KCNH7: variants seen among roughly 807,000 people sequenced by gnomAD.
The protein encoded by KCNH7 is voltage-gated inwardly rectifying potassium channel KCNH7.
A neutral mutation model predicts 120.8 loss-of-function variants in KCNH7; 49 were observed. That is an observed-to-expected ratio of 0.41 (90% CI 0.32 to 0.51). The LOEUF (loss-of-function observed/expected upper bound fraction) is 0.51. Ranked by LOEUF, KCNH7 falls within the 20% of genes least tolerant of loss-of-function variation. The probability of loss-of-function intolerance (pLI) is 0.38; values close to 1 mark genes in which losing one functional copy is unlikely to be tolerated. For missense variants in KCNH7, 1,097 were observed against 1,446.6 expected, an observed-to-expected ratio of 0.76 and a Z score of 3.92; for synonymous variants, 547 against 516.1, an observed-to-expected ratio of 1.06 and a Z score of -0.81.
intron 2 of KCNH7, among the ~76,000 whole-genome samples, chr2:162,744,650 G>C (rs1192107159): frequency 6.9e-6 from 1 of 144,846 alleles, no homozygotes; most frequent in Admixed American, 7.5e-5. Context: ...TCCGCTTACT[G>C]CAAGCTTCGC....
At chr2:162,687,037 A>G (rs1441672928) in intron 2 of KCNH7, among the ~76,000 whole-genome samples, 1 of 152,152 alleles carries the variant, frequency 6.6e-6, no homozygotes, top group Non-Finnish European at 1.5e-5. Flanking sequence ...ATAAGCAGCA[A>G]CACACCAAAA....
chr2:162,825,234 A>G (rs1685241686), intron 2 of KCNH7, among the ~76,000 whole-genome samples: 1 of 152,056 alleles, frequency 6.6e-6, no homozygotes, highest in Admixed American at 6.6e-5. Flanking sequence ...GAGGATACTC[A>G]GCTATTCAAG....
Position 162,446,210 on chromosome 2 carries a change from T to C in KCNH7, c.1362A>G (p.Val454=). ...TAAACATAATATCCACAATCAAGTC[T>C]ACCACATTCAAAGGGCTACAAGAAT... is the stretch of plus-strand genomic sequence containing the variant. ...CGYSCSPLNV[V]DLIVDIMFII... The change falls in exon 7 of 16, where the codon GTA becomes GTG. Residue 454 remains valine, a synonymous_variant. Transcript: ENST00000332142. 1.2e-6 allele frequency: 2 copies of C among 1,613,710 alleles called. No homozygotes were observed. The highest frequency in any genetic ancestry group is 1.7e-6 in the Non-Finnish European group (2 of 1,179,664).
Position 162,379,857 on chromosome 2 carries a change from T to A in KCNH7, c.3127A>T (p.Asn1043Tyr). The A allele has an allele frequency of 6.2e-7, 1 of 1,613,956 alleles. No homozygotes were observed. Among genetic ancestry groups the A allele is most frequent in the Non-Finnish European group, 8.5e-7 (1 of 1,179,874 alleles). ...QRLDLLQEQL[N>Y]RLESQMTTDI... ...TTTGCCCATCACTGCTTATACCTGTTAAGTTGCTCCTGGAGCAGATCTAAT... is the reference window on the plus strand; with the variant it reads ...TTTGCCCATCACTGCTTATACCTGTAAAGTTGCTCCTGGAGCAGATCTAAT... Residue 1043 changes from asparagine to tyrosine, a missense_variant, in exon 14 of 16, where the codon AAC becomes TAC. By Grantham distance (143) the Asn-to-Tyr change is moderately radical. This residue lies in a region of KCNH7 where 406 missense variants were observed against 410.5 expected (regional missense o/e 0.99). Coordinates refer to ENST00000332142, the MANE Select transcript of KCNH7 (RefSeq NM_033272.4).
intron 2 of KCNH7, among the ~76,000 whole-genome samples, chr2:162,590,039 A>C (rs1694156927): frequency 1.3e-5 from 2 of 152,170 alleles, no homozygotes; most frequent in African/African-American, 4.8e-5. Context: ...CAATTCAGAA[A>C]GTGTTTGTTA....
intron 2 of KCNH7, among the ~76,000 whole-genome samples, chr2:162,831,595 G>A (rs560500158): frequency 1.3e-5 from 2 of 152,206 alleles, no homozygotes; most frequent in South Asian, 2.1e-4. Flanking sequence ...TCAACTAACC[G>A]GGTACTCTCC....
intron 2 of KCNH7, among the ~76,000 whole-genome samples, chr2:162,585,574 A>G (rs1693998611): frequency 6.6e-6 from 1 of 152,054 alleles, no homozygotes; most frequent in Non-Finnish European, 1.5e-5. Context: ...ATTTAAATTA[A>G]TCTTCTGATA....
chr2:162,491,247 T>A (rs1426676276), intron 6 of KCNH7, among the ~76,000 whole-genome samples: 2 of 152,190 alleles, frequency 1.3e-5, no homozygotes, highest in Non-Finnish European at 2.9e-5. Flanking sequence ...AGCTAGAGGT[T>A]TTTCCCCCAG....
chr2:162,588,130 C>T (rs1694080727), intron 2 of KCNH7, among the ~76,000 whole-genome samples: 1 of 152,086 alleles, frequency 6.6e-6, no homozygotes. Context: ...AGCACTGCCA[C>T]AACCTACCAT....
intron 2 of KCNH7, among the ~76,000 whole-genome samples, chr2:162,811,309 T>C (rs901344283): frequency 6.6e-6 from 1 of 152,170 alleles, no homozygotes; most frequent in Non-Finnish European, 1.5e-5. Context: ...AAGGATTGTA[T>C]TTGAAAATAT....
chr2:162,528,442 G>C (rs1367747831), intron 3 of KCNH7: 1 of 152,014 alleles, frequency 6.6e-6, no homozygotes, highest in Non-Finnish European at 1.5e-5. Context: ...AGTTAAGAAT[G>C]CTCCACAGAT....
chr2:162,780,493 A>G (rs1683435985), intron 2 of KCNH7, among the ~76,000 whole-genome samples: 1 of 152,194 alleles, frequency 6.6e-6, no homozygotes. Flanking sequence ...ATATCTAGAA[A>G]CAGAATCCTT....
At chr2:162,513,401 CCTTCTT>C (rs1691171085) in intron 4 of KCNH7, among the ~76,000 whole-genome samples, 1 of 145,010 alleles carries the variant, frequency 6.9e-6, no homozygotes, top group African/African-American at 2.5e-5. Context: ...TTCCCTCCTT[CCTTCTT>C]TCCTTCCTTC....
At chr2:162,420,148 G>A (rs969540322) in intron 9 of KCNH7, among the ~76,000 whole-genome samples, 11 of 152,158 alleles carry the variant, frequency 7.2e-5, no homozygotes, top group African/African-American at 9.6e-5. Context: ...AGGCCAAGGC[G>A]GCAGATCACT....
chr2:162,625,351 T>G lies in KCNH7; in HGVS notation c.308-88271A>C, dbSNP rs566568237. Among the ~76,000 whole-genome samples, 3 of 152,246 alleles carry G rather than the reference T, an allele frequency of 2.0e-5. No individual in the cohort carries two copies. In the East Asian group the frequency reaches 5.8e-4, roughly 29 times the overall value. On this transcript the variant is annotated intron_variant, in intron 2 of 15. Transcript: ENST00000332142. The stretch of plus-strand genomic sequence containing the variant: ...GAAAGCCCTGGCCTCACAGAGTTAT[T>G]GTGAATATTGAGTTAATGCAGGCAA...
At chr2:162,443,848 A>C (rs1243491859) in intron 7 of KCNH7, among the ~76,000 whole-genome samples, 1 of 152,152 alleles carries the variant, frequency 6.6e-6, no homozygotes, top group Non-Finnish European at 1.5e-5. Flanking sequence ...AAACCTTAGC[A>C]TTCCACCTCT....
At chr2:162,471,487 A>G (rs1179709363) in intron 6 of KCNH7, among the ~76,000 whole-genome samples, 2 of 152,118 alleles carry the variant, frequency 1.3e-5, no homozygotes, top group African/African-American at 2.4e-5. Context: ...GTGGGTGAAG[A>G]GGTCTGTGTG....
At chr2:162,721,738 G>C (rs2105374529) in intron 2 of KCNH7, among the ~76,000 whole-genome samples, 1 of 152,052 alleles carries the variant, frequency 6.6e-6, no homozygotes, top group East Asian at 1.9e-4. Context: ...TTGAAGGCCT[G>C]AGGTCTCATT....
At position 162,379,957 on chromosome 2, in the gene KCNH7, T is replaced by G. The variant is rs577385717; in HGVS notation, c.3027A>C (p.Pro1009=). ...NAHPQPEDSS[P]SALQRAAWGI... Reference sequence around the variant, plus strand: ...CCCAGGCAGCTCGCTGAAGTGCAGATGGACTGGAGTCTTCAGGCTGGGGAT... The same window carrying G: ...CCCAGGCAGCTCGCTGAAGTGCAGAGGGACTGGAGTCTTCAGGCTGGGGAT... The change falls in exon 14 of 16, where the codon CCA becomes CCC. Residue 1009 remains proline (P), a synonymous_variant. Coordinates refer to ENST00000332142, the MANE Select transcript of KCNH7 (RefSeq NM_033272.4). 1 of 1,614,060 alleles carries G rather than the reference T, an allele frequency of 6.2e-7. No individual in the cohort carries two copies. Among genetic ancestry groups the G allele is most frequent in the African/African-American group, 1.3e-5 (1 of 75,044 alleles).
Sources: gnomAD v4.1 joint callset for allele counts (sites outside exome capture counted in the v4.1 genomes callset) on GRCh38, gnomAD v4.1.1 for gene constraint, gnomAD v4.1.1 regional missense constraint, MANE v1.5 for transcripts, NCBI Gene and HGNC (gene_info 2026-07-23, HGNC 2026-07-21) for gene names.